The following MKLN1 variants were observed in gnomAD, a reference collection of about 807,000 sequenced individuals.
MKLN1 encodes the protein muskelin 1, also known as muskelin.
In MKLN1, 18 loss-of-function variants were observed where a neutral mutation model predicts 99.0. That is an observed-to-expected ratio of 0.18 (90% CI 0.13 to 0.27). MKLN1 has a LOEUF of 0.27. Among genes scored for constraint, MKLN1 ranks in the 10% least tolerant of loss-of-function variants. The pLI, the probability that MKLN1 is intolerant of heterozygous loss-of-function variation, is 1.00. For synonymous variants in MKLN1, 288 were observed against 293.2 expected (o/e 0.98, Z 0.18); for missense variants, 621 against 875.9 (o/e 0.71, Z 3.67).
intron 6 of MKLN1, among the ~76,000 whole-genome samples, chr7:131,403,971 A>G (rs1478137891): frequency 6.6e-6 from 1 of 152,224 alleles, no homozygotes; most frequent in Non-Finnish European, 1.5e-5. Flanking sequence ...TGGTCAAGCA[A>G]AGCATTATAA....
chr7:131,476,698 TG>T (rs2116667085), intron 16 of MKLN1, among the ~76,000 whole-genome samples: 1 of 152,350 alleles, frequency 6.6e-6, no homozygotes, highest in Admixed American at 6.5e-5. Flanking sequence ...AGTGTAAGTT[TG>T]GTCTTTGTTG....
At chr7:131,415,116 GTTT>G (rs77006965) in intron 8 of MKLN1, among the ~76,000 whole-genome samples, 2 of 144,442 alleles carry the variant, frequency 1.4e-5, no homozygotes, top group South Asian at 4.4e-4. Flanking sequence ...GTTTGGTTTT[GTTT>G]TTTTTTTTCC....
At chr7:131,370,038 A>G (rs1047845732) in intron 1 of MKLN1, among the ~76,000 whole-genome samples, 1 of 152,154 alleles carries the variant, frequency 6.6e-6, no homozygotes, top group Non-Finnish European at 1.5e-5. Context: ...GGGTTTCACC[A>G]TGTTAGCCAG....
Position 131,437,976 on chromosome 7 carries a change from G to A in MKLN1, c.1152G>A (p.Pro384=), listed in dbSNP as rs1478710341. Residue 384 remains proline (P), a synonymous_variant, in exon 10 of 18, where the codon CCG becomes CCA. Coordinates refer to ENST00000352689, the MANE Select transcript of MKLN1 (RefSeq NM_013255.5). ...LSEDTAADGG[P]KLVFDHQMCM... Reference sequence around the variant, plus strand: ...AGGATACTGCTGCTGATGGAGGGCCGAAATTGGTGTTTGATCATCAGGTTT... The same window carrying A: ...AGGATACTGCTGCTGATGGAGGGCCAAAATTGGTGTTTGATCATCAGGTTT... The A allele has an allele frequency of 3.1e-6, 5 of 1,613,320 alleles. No homozygotes were observed. Among genetic ancestry groups the A allele is most frequent in the African/African-American group, 1.3e-5 (1 of 74,900 alleles).
chr7:131,173,968 C>CTTT lies in MKLN1; in HGVS notation c.-296-28886_-296-28884dup, dbSNP rs796102760. Among the ~76,000 whole-genome samples, 413 of 118,558 alleles carry CTTT rather than the reference C, an allele frequency of 3.5e-3. 36 individuals are homozygous for CTTT. The highest frequency in any genetic ancestry group is 9.0e-3 in the African/African-American group (297 of 32,820). 77.8% of individuals were successfully genotyped at this position (118,558 alleles called of 152,430 possible). On this transcript the variant is annotated intron_variant, in intron 2 of 7. Coordinates refer to the MKLN1 transcript ENST00000416992. ...TTCTCCAGAGTTTAAAGACCTTTTT[C>CTTT]TTTTTCTTTTTTTTTTTTTTTTGAG...
At chr7:131,277,393 C>G (rs1453643204) in intron 3 of MKLN1, among the ~76,000 whole-genome samples, 1 of 151,940 alleles carries the variant, frequency 6.6e-6, no homozygotes, top group Non-Finnish European at 1.5e-5. Flanking sequence ...AAGCGATTCT[C>G]CTGCCTCAGC....
intron 8 of MKLN1, among the ~76,000 whole-genome samples, chr7:131,418,831 T>G (rs1328769986): frequency 6.6e-6 from 1 of 152,234 alleles, no homozygotes; most frequent in African/African-American, 2.4e-5. Context: ...TTCTGTGGAT[T>G]CCAATGTCTG....
At chr7:131,274,775 G>T (rs541137226) in intron 3 of MKLN1, among the ~76,000 whole-genome samples, 1 of 151,928 alleles carries the variant, frequency 6.6e-6, no homozygotes. Context: ...CACTCACTAC[G>T]AGAACTTAGG....
intron 3 of MKLN1, among the ~76,000 whole-genome samples, chr7:131,215,710 G>A (rs1796970777): frequency 6.6e-6 from 1 of 152,202 alleles, no homozygotes. Flanking sequence ...ATCCAAACAA[G>A]GAGAGTTTGT....
chr7:131,417,299 C>T (rs1795047812), intron 8 of MKLN1, among the ~76,000 whole-genome samples: 1 of 152,138 alleles, frequency 6.6e-6, no homozygotes, highest in South Asian at 2.1e-4. Flanking sequence ...GGGGAATTAT[C>T]CTGTTAGTAG....
chr7:131,314,521 C>T (rs1432940472), intron 3 of MKLN1, among the ~76,000 whole-genome samples: 2 of 152,176 alleles, frequency 1.3e-5, no homozygotes, highest in Admixed American at 6.5e-5. Flanking sequence ...GTCCCAGGTT[C>T]ACACCATTCT....
intron 6 of MKLN1, among the ~76,000 whole-genome samples, chr7:131,409,140 T>G: frequency 6.6e-6 from 1 of 152,222 alleles, no homozygotes; most frequent in East Asian, 1.9e-4. Flanking sequence ...CTAATTTGTT[T>G]CTAAGATTTT....
At chr7:131,351,362 T>C (rs1054913686) in intron 1 of MKLN1, among the ~76,000 whole-genome samples, 1 of 152,254 alleles carries the variant, frequency 6.6e-6, no homozygotes, top group Non-Finnish European at 1.5e-5. Context: ...TCCCCTATTC[T>C]AGATATGTTC....
At chr7:131,279,953 G>A (rs1461855252) in intron 3 of MKLN1, among the ~76,000 whole-genome samples, 1 of 151,830 alleles carries the variant, frequency 6.6e-6, no homozygotes, top group East Asian at 1.9e-4. Flanking sequence ...GCCATTCCTT[G>A]TTCCCATTCC....
chr7:131,119,706 G>A (rs1795331734), intron 1 of MKLN1, among the ~76,000 whole-genome samples: 1 of 152,146 alleles, frequency 6.6e-6, no homozygotes, highest in African/African-American at 2.4e-5. Context: ...AACACCACAT[G>A]GAAGCCACCA....
intron 4 of MKLN1, among the ~76,000 whole-genome samples, chr7:131,394,947 T>C (rs1794313825): frequency 6.6e-6 from 1 of 152,082 alleles, no homozygotes; most frequent in Admixed American, 6.5e-5. Context: ...GAAAATATGG[T>C]TCACTGAATT....
intron 1 of MKLN1, among the ~76,000 whole-genome samples, chr7:131,331,497 A>T (rs1799073417): frequency 6.6e-6 from 1 of 152,204 alleles, no homozygotes; most frequent in Non-Finnish European, 1.5e-5. Flanking sequence ...TTGAAAATGT[A>T]AGAGGGGCAG....
At chr7:131,408,429 T>C (rs1794772989) in intron 6 of MKLN1, among the ~76,000 whole-genome samples, 1 of 152,220 alleles carries the variant, frequency 6.6e-6, no homozygotes, top group East Asian at 1.9e-4. Context: ...TTGTATGTAA[T>C]CTCTATTTTG....
At chr7:131,419,875 G>C (rs1795139745) in intron 8 of MKLN1, among the ~76,000 whole-genome samples, 1 of 152,200 alleles carries the variant, frequency 6.6e-6, no homozygotes, top group African/African-American at 2.4e-5. Context: ...CCTACATGCA[G>C]AGTGAAGTGG....
Sources: gnomAD v4.1 joint callset for allele counts (sites outside exome capture counted in the v4.1 genomes callset) on GRCh38, gnomAD v4.1.1 for gene constraint, MANE v1.5 for transcripts, NCBI Gene and HGNC (gene_info 2026-07-23, HGNC 2026-07-21) for gene names.